Variants in PES1 observed in about 807,000 individuals in gnomAD.
PES1 encodes the protein pescadillo homolog.
PES1 carries 31 observed loss-of-function variants against 77.1 expected under a neutral mutation model. The observed-to-expected ratio is 0.40, with a 90% CI of 0.30 to 0.54. PES1 has a LOEUF of 0.54. Ranked by LOEUF, PES1 falls within the 20% of genes least tolerant of loss-of-function variation. PES1 has a pLI of 0.45. For synonymous variants in PES1, 282 were observed against 303.0 expected (o/e 0.93, Z 0.72); for missense variants, 658 against 771.7 (o/e 0.85, Z 1.75).
intron 8 of PES1, 57 bp downstream of exon 8, chr22:30,581,277 T>G: frequency 6.4e-7 from 1 of 1,563,958 alleles, no homozygotes; most frequent in South Asian, 1.1e-5. Flanking sequence ...CCAGAGGTGT[T>G]GGGGACAGAG....
Position 30,578,524 on chromosome 22 carries a change from C to G in PES1, c.1683+313G>C, listed in dbSNP as rs140178281. Among the ~76,000 whole-genome samples, 261 of 152,308 alleles carry G rather than the reference C, an allele frequency of 1.7e-3. No individual in the cohort carries two copies. The South Asian group carries it at 0.02, about 12-fold the overall frequency. On this transcript the variant is annotated intron_variant, in intron 14 of 14. Coordinates refer to ENST00000354694, the MANE Select transcript of PES1 (RefSeq NM_014303.4). The stretch of plus-strand genomic sequence containing the variant: ...AGATAGAAGTTTAACAAAGCTCCCC[C>G]CCGCCACCCCCGCCCCCAGTCCTTG...
At chr22:30,598,104 C>G (rs550113936) in intron 2 of PES1, among the ~76,000 whole-genome samples, 6 of 152,066 alleles carry the variant, frequency 3.9e-5, no homozygotes, top group Non-Finnish European at 7.4e-5. Context: ...GGGATGGTCT[C>G]GATCGCAGTT....
intron 10 of PES1, 48 bp downstream of exon 10, chr22:30,580,523 A>G: frequency 6.2e-7 from 1 of 1,609,174 alleles, no homozygotes; most frequent in South Asian, 1.1e-5. Flanking sequence ...GACCCAGACC[A>G]GAGCATGGCC....
intron 14 of PES1, 106 bp downstream of exon 14, chr22:30,578,731 G>A: frequency 7.6e-7 from 1 of 1,307,378 alleles, no homozygotes; most frequent in East Asian, 2.3e-5. Context: ...GAAAAGGCTA[G>A]GAGAGCCTCA....
rs766642411 is a variant in PES1 at position 30,584,575 on chromosome 22, A to G, written c.511T>C (p.Tyr171His). ...CRRLTVEFMH[Y>H]IIAARALRKV... ...CGCAGGGCACGGGCAGCGATAATGT[A>G]GTGCATGAACTCCACAGTGAGCCGG... is the stretch of plus-strand genomic sequence containing the variant. Residue 171 changes from tyrosine (Y) to histidine (H), a missense_variant, in exon 5 of 15, where the codon TAC becomes CAC. Coordinates refer to ENST00000354694, the MANE Select transcript of PES1 (RefSeq NM_014303.4). 1.2e-6 allele frequency: 2 copies of G among 1,612,616 alleles called. No individual in the cohort carries two copies. Among genetic ancestry groups the G allele is most frequent in the Non-Finnish European group, 1.7e-6 (2 of 1,179,352 alleles).
chr22:30,584,916 G>A lies in PES1; in HGVS notation c.369-199C>T, dbSNP rs550852573. 6.6e-5 allele frequency among the ~76,000 whole-genome samples: 10 copies of A among 152,298 alleles called. No homozygotes were observed. In the East Asian group the frequency reaches 1.9e-3, roughly 29 times the overall value. ...CCACTTAACCAGGATGCGCCCACTAGGCTCTGAGGACCAGAGAAGTCCCGA... is the reference window on the plus strand; with the variant it reads ...CCACTTAACCAGGATGCGCCCACTAAGCTCTGAGGACCAGAGAAGTCCCGA... On this transcript the variant is annotated intron_variant, in intron 4 of 14. Coordinates refer to ENST00000354694, the MANE Select transcript of PES1 (RefSeq NM_014303.4).
intron 1 of PES1, 148 bp from the exon 2 acceptor site, chr22:30,589,418 G>A (rs907524413): frequency 1.4e-5 from 9 of 658,834 alleles, no homozygotes; most frequent in African/African-American, 1.1e-4. Flanking sequence ...GGAAGGAGCC[G>A]ACCTGCCTGG....
In PES1 at chr22:30,587,371, C is replaced by T. The variant is rs951982776; in HGVS notation, c.283G>A (p.Ala95Thr). 10 of 1,613,940 alleles carry T rather than the reference C, an allele frequency of 6.2e-6. No individual in the cohort carries two copies. In the Admixed American group the frequency reaches 1.5e-4, roughly 24 times the overall value. Reference protein sequence around the residue: ...YKVFVRKLRKAYGKSEWNTVE... With the variant: ...YKVFVRKLRKTYGKSEWNTVE... ...GTGTTCCACTCGCTCTTCCCATAAG[C>T]CTTCCGGAGCTTCCGGACGAACACC... The change falls in exon 4 of 15, where the codon GCT (alanine) becomes ACT (threonine). Residue 95 changes from alanine (A) to threonine (T), a missense_variant. Coordinates refer to ENST00000354694, the MANE Select transcript of PES1 (RefSeq NM_014303.4).
upstream of PES1, among the ~76,000 whole-genome samples, chr22:30,594,904 A>T (rs2087233253): frequency 6.6e-6 from 1 of 152,102 alleles, no homozygotes; most frequent in Non-Finnish European, 1.5e-5. Flanking sequence ...AGGCAAAAGG[A>T]TCGCTTGGGC....
chr22:30,593,547 T>C (rs904883719), upstream of PES1, among the ~76,000 whole-genome samples: 7 of 151,474 alleles, frequency 4.6e-5, no homozygotes, highest in Admixed American at 6.6e-5. Flanking sequence ...TGGCAGTGGC[T>C]GGCTCATGAG....
chr22:30,588,018 C>T lies in PES1; in HGVS notation c.258+3G>A. ...CTGACAGACCCTAGAGCCCAGACCT[C>T]ACCTTGTATTCACGGAACTTGTTGA... On this transcript the variant is annotated splice_donor_region_variant and intron_variant, in intron 3 of 14. Coordinates refer to ENST00000354694, the MANE Select transcript of PES1 (RefSeq NM_014303.4). The T allele has an allele frequency of 6.2e-7, 1 of 1,613,536 alleles. No individual in the cohort carries two copies. Among genetic ancestry groups the T allele is most frequent in the Non-Finnish European group, 8.5e-7 (1 of 1,180,018 alleles).
intron 6 of PES1, among the ~76,000 whole-genome samples, chr22:30,582,631 A>T (rs1423532614): frequency 6.6e-6 from 1 of 152,188 alleles, no homozygotes; most frequent in African/African-American, 2.4e-5. Context: ...CGTGAAAATC[A>T]GTAGTGATCA....
Position 30,580,691 on chromosome 22 carries a change from G to A in PES1, c.923C>T (p.Ala308Val), listed in dbSNP as rs149639037. 7.0e-5 allele frequency: 113 copies of A among 1,613,200 alleles called. 1 individual carries two copies. The highest frequency in any genetic ancestry group is 3.8e-4 in the South Asian group (35 of 91,078). Reference protein sequence around the residue: ...DEFPTDGEMSAQEEDRRKELE... With the variant: ...DEFPTDGEMSVQEEDRRKELE... ...CTCCTTCCTGCGGTCTTCCTCCTGC[G>A]CTGACATCTCCTGTTGAGAAAGGGG... is the stretch of plus-strand genomic sequence containing the variant. Residue 308 changes from alanine (A) to valine (V), a missense_variant, in exon 10 of 15, where the codon GCG (alanine) becomes GTG (valine). Transcript: ENST00000354694.
intron 2 of PES1, among the ~76,000 whole-genome samples, chr22:30,602,530 C>A (rs12628769): frequency 0.04 from 5,842 of 147,306 alleles, 257 homozygotes; most frequent in East Asian, 0.2. Context: ...CCTCTTTTTT[C>A]TTTTATTTTC....
Position 30,581,604 on chromosome 22 carries a change from G to C in PES1, c.671C>G (p.Thr224Ser), listed in dbSNP as rs1475643906. Residue 224 changes from threonine to serine, a missense_variant, in exon 7 of 15, where the codon ACC (threonine) becomes AGC (serine). Physicochemically the swap from Thr to Ser is moderately conservative, Grantham distance 58 (BLOSUM62 1). Transcript: ENST00000354694. ...DVDYRVMATF[T>S]EFYTTLLGFV... The stretch of plus-strand genomic sequence containing the variant: ...GCCCAGCAGCGTGGTGTAGAACTCG[G>C]TGAAGGTGGCCATGACCCTGTAGTC... 2 of 1,613,752 alleles carry C rather than the reference G, an allele frequency of 1.2e-6. 1 individual carries two copies. Among genetic ancestry groups the C allele is most frequent in the South Asian group, 2.2e-5 (2 of 91,046 alleles).
intron 9 of PES1, 85 bp downstream of exon 9, chr22:30,580,927 T>C: frequency 7.9e-7 from 1 of 1,258,874 alleles, no homozygotes; most frequent in Non-Finnish European, 1.1e-6. Flanking sequence ...TAACACCTAA[T>C]TATAGGATGC....
At chr22:30,588,241 G>A in intron 2 of PES1, 67 bp from the exon 3 acceptor site, 1 of 1,596,032 alleles carries the variant, frequency 6.3e-7, no homozygotes, top group Non-Finnish European at 8.6e-7. Flanking sequence ...GGCCACAGCT[G>A]GGCCTGGAAA....
chr22:30,583,938 G>A (rs964000158), intron 6 of PES1, among the ~76,000 whole-genome samples: 1 of 152,258 alleles, frequency 6.6e-6, no homozygotes, highest in African/African-American at 2.4e-5. Context: ...GCTATCGGCA[G>A]CAAAGCAGGG....
At position 30,584,356 on chromosome 22, in the gene PES1, C is replaced by T. The variant is rs2087035920; in HGVS notation, c.630+9G>A. 1.2e-6 allele frequency: 2 copies of T among 1,601,158 alleles called. No homozygotes were observed. Among genetic ancestry groups the T allele is most frequent in the South Asian group, 1.1e-5 (1 of 89,442 alleles). On this transcript the variant is annotated intron_variant, in intron 6 of 14. Coordinates refer to ENST00000354694, the MANE Select transcript of PES1 (RefSeq NM_014303.4). The stretch of plus-strand genomic sequence containing the variant: ...CACAAGCCCGTCCCCTCCCGACAGG[C>T]ACACTCACGTCATGGGAGAAGGCAT...
Sources: gnomAD v4.1 joint callset for allele counts (sites outside exome capture counted in the v4.1 genomes callset) on GRCh38, gnomAD v4.1.1 for gene constraint, MANE v1.5 for transcripts, NCBI Gene and HGNC (gene_info 2026-07-23, HGNC 2026-07-21) for gene names.